Variants in GLE1 observed in about 807,000 individuals in gnomAD.
The protein encoded by GLE1 is mRNA export factor GLE1.
GLE1 carries 78 observed loss-of-function variants against 97.3 expected under a neutral mutation model. The ratio of observed to expected loss-of-function variants is 0.80; its 90% CI spans 0.67 to 0.97. The LOEUF is 0.97. Among genes scored for constraint, GLE1 ranks in the 50% least tolerant of loss-of-function variants. The pLI, the probability that GLE1 is intolerant of heterozygous loss-of-function variation, is 0.00. For missense variants in GLE1, 753 were observed against 857.5 expected (o/e 0.88, Z 1.52); for synonymous variants, 302 against 313.4 (o/e 0.96, Z 0.39).
At chr9:128,533,214 A>G (rs1002798391) in intron 9 of GLE1, among the ~76,000 whole-genome samples, 2 of 151,922 alleles carry the variant, frequency 1.3e-5, no homozygotes, top group Non-Finnish European at 2.9e-5. Context: ...ACTTGAGGTC[A>G]GCAGTTAGAG....
chr9:128,540,372 GT>G, intron 15 of GLE1, 34 bp downstream of exon 15: 3 of 1,391,504 alleles, frequency 2.2e-6, no homozygotes, highest in East Asian at 2.3e-5. Context: ...GCCCCACACT[GT>G]TGTTGGGCTG....
chr9:128,535,285 C>T (rs1290225134), intron 11 of GLE1, among the ~76,000 whole-genome samples: 1 of 146,616 alleles, frequency 6.8e-6, no homozygotes. Flanking sequence ...GCCAAGGCCG[C>T]CAAAGCGGGC....
Position 128,509,011 on chromosome 9 carries a change from C to G in GLE1, c.235C>G (p.Leu79Val). ...TSPSSTSASALDQPSFVPKSP... is the reference protein window; with the variant it reads ...TSPSSTSASAVDQPSFVPKSP... ...GCCATCCTCTACGTCAGCTTCAGCC[C>G]TAGATCAACCCTCATTTGTTCCCAA... is the stretch of plus-strand genomic sequence containing the variant. The change falls in exon 2 of 16, where the codon CTA becomes GTA. Residue 79 changes from leucine to valine, a missense_variant. Transcript: ENST00000309971. 2 of 1,613,466 alleles carry G rather than the reference C, an allele frequency of 1.2e-6. No individual in the cohort carries two copies. The highest frequency in any genetic ancestry group is 2.2e-5 in the South Asian group (2 of 91,070).
chr9:128,520,560 C>G (rs187638717), intron 3 of GLE1, among the ~76,000 whole-genome samples: 1 of 151,658 alleles, frequency 6.6e-6, no homozygotes, highest in African/African-American at 2.4e-5. Context: ...AACATTTAGC[C>G]GGTAGCTCCG....
At chr9:128,507,004 T>C (rs1589038946) in intron 1 of GLE1, among the ~76,000 whole-genome samples, 1 of 152,326 alleles carries the variant, frequency 6.6e-6, no homozygotes, top group East Asian at 1.9e-4. Flanking sequence ...AGGTAATCAG[T>C]ACTTATTTTC....
intron 9 of GLE1, among the ~76,000 whole-genome samples, chr9:128,529,816 G>C (rs183944190): frequency 2.7e-5 from 4 of 147,576 alleles, no homozygotes; most frequent in African/African-American, 5.0e-5. Flanking sequence ...TCGCTCTTTC[G>C]CCCAGGCTGG....
Position 128,523,835 on chromosome 9 carries a change from G to A in GLE1, c.886G>A (p.Ala296Thr), listed in dbSNP as rs1375629826. The stretch of plus-strand genomic sequence containing the variant: ...CAGCCTCATCTCAGGGATCATCCGG[G>A]CCTCTTCAGAGGTGAGGGGGGCTTC... Reference protein sequence around the residue: ...LCSLISGIIRASSESSYPTAE... With the variant: ...LCSLISGIIRTSSESSYPTAE... The change falls in exon 6 of 16, where the codon GCC (alanine) becomes ACC (threonine). Residue 296 changes from alanine (A) to threonine (T), a missense_variant. Ala to Thr is a moderately conservative substitution (Grantham distance 58). Transcript: ENST00000309971. The A allele has an allele frequency of 1.2e-6, 2 of 1,613,902 alleles. No homozygotes were observed. Among genetic ancestry groups the A allele is most frequent in the Non-Finnish European group, 1.7e-6 (2 of 1,180,028 alleles).
chr9:128,536,523 G>T, intron 12 of GLE1, 39 bp downstream of exon 12: 2 of 1,570,258 alleles, frequency 1.3e-6, no homozygotes, highest in South Asian at 2.2e-5. Flanking sequence ...TGAGAGGTTA[G>T]ACCACAGTCC....
At position 128,540,350 on chromosome 9, in the gene GLE1, T is replaced by G; in HGVS notation, c.2028+12T>G. 1 of 1,572,482 alleles carries G rather than the reference T, an allele frequency of 6.4e-7. No individual in the cohort carries two copies. Among genetic ancestry groups the G allele is most frequent in the Non-Finnish European group, 8.8e-7 (1 of 1,142,046 alleles). On this transcript the variant is annotated intron_variant, in intron 15 of 15. Transcript: ENST00000309971. Reference sequence around the variant, plus strand: ...AGCAGTTCTTGGAGGTAAGATGCCCTTAGACCAACATGCCCCACACTGTTG... The same window carrying G: ...AGCAGTTCTTGGAGGTAAGATGCCCGTAGACCAACATGCCCCACACTGTTG...
At chr9:128,537,857 C>T in intron 12 of GLE1, 129 bp from the exon 13 acceptor site, 1 of 707,250 alleles carries the variant, frequency 1.4e-6, no homozygotes, top group South Asian at 1.5e-5. Flanking sequence ...GTTATTTCTG[C>T]CCTGTGGCAG....
chr9:128,539,109 T>C (rs1847813036), intron 13 of GLE1, among the ~76,000 whole-genome samples: 1 of 152,142 alleles, frequency 6.6e-6, no homozygotes, highest in Non-Finnish European at 1.5e-5. Context: ...GGTGTGTGCC[T>C]GTGGTCCCAG....
chr9:128,541,339 T>G lies in GLE1; in HGVS notation c.*169T>G. On this transcript the variant is annotated 3_prime_UTR_variant, in exon 16 of 16. Transcript: ENST00000309971. ...AGGAGATTTTCATGGGTCACAAAAT[T>G]CTTGGAGGTCCCTTAGTAGATTTGG... 1.6e-6 allele frequency: 1 copy of G among 626,030 alleles called. No individual in the cohort carries two copies. Among genetic ancestry groups the G allele is most frequent in the Non-Finnish European group, 2.9e-6 (1 of 349,442 alleles). The allele number at this position is 626,030 out of a possible 1,614,324, so 38.8% of individuals were successfully genotyped here. A position where few individuals can be genotyped will look rare whatever the true frequency, so the allele number is the denominator to read the frequency against.
At chr9:128,510,526 CTTTT>C (rs71381766) in intron 2 of GLE1, among the ~76,000 whole-genome samples, 1 of 82,730 alleles carries the variant, frequency 1.2e-5, no homozygotes, top group Non-Finnish European at 2.4e-5. Flanking sequence ...CACACCCAGG[CTTTT>C]TTTTTTTTTT....
chr9:128,504,877 C>A lies in GLE1; in HGVS notation c.72C>A (p.Tyr24Ter). ...LRSSDKGRLC[Y>*]YRDWLLRRED... ...GTTCCGACAAAGGTCGCCTTTGCTA[C>A]TACCGCGACTGGCTGCTGCGGCGCG... The change falls in exon 1 of 16, where the codon TAC (tyrosine) becomes TAA (stop). Residue 24 changes from tyrosine to a stop codon, truncating the protein, a stop_gained. Transcript: ENST00000309971. LOFTEE classifies it high-confidence loss of function. 6.2e-7 allele frequency: 1 copy of A among 1,611,982 alleles called. No homozygotes were observed.
At chr9:128,515,397 ATT>A in intron 2 of GLE1, 130 bp from the exon 3 acceptor site, 2 of 596,830 alleles carry the variant, frequency 3.4e-6, no homozygotes, top group South Asian at 1.9e-5. Context: ...TCTGACCTAA[ATT>A]TTTTTTTTGC....
chr9:128,509,179 T>C (rs2132406313), intron 2 of GLE1, 82 bp downstream of exon 2: 1 of 829,638 alleles, frequency 1.2e-6, no homozygotes, highest in African/African-American at 1.7e-5. Flanking sequence ...ACAGTGACCA[T>C]ACCCTAGGGG....
At chr9:128,523,462 A>C (rs935949705) in intron 5 of GLE1, 122 bp downstream of exon 5, 4 of 1,400,402 alleles carry the variant, frequency 2.9e-6, no homozygotes, top group Non-Finnish European at 4.1e-6. Context: ...GTGTATGACT[A>C]ACCTTGGGAT....
At chr9:128,531,226 A>G (rs1020278436) in intron 9 of GLE1, among the ~76,000 whole-genome samples, 2 of 151,318 alleles carry the variant, frequency 1.3e-5, no homozygotes, top group African/African-American at 4.9e-5. Context: ...AAAAAAAAAA[A>G]AAAAAAAAAG....
At chr9:128,518,479 C>A (rs1366374846) in intron 3 of GLE1, among the ~76,000 whole-genome samples, 1 of 151,784 alleles carries the variant, frequency 6.6e-6, no homozygotes, top group South Asian at 2.1e-4. Context: ...GACAATCACT[C>A]GAACCTGGGA....
Sources: gnomAD v4.1 joint callset for allele counts (sites outside exome capture counted in the v4.1 genomes callset) on GRCh38, gnomAD v4.1.1 for gene constraint, MANE v1.5 for transcripts, NCBI Gene and HGNC (gene_info 2026-07-23, HGNC 2026-07-21) for gene names.